Variants in CLCN4 observed in about 807,000 individuals in gnomAD.
CLCN4 encodes Cl-/H+ antiporter 4, also known as H(+)/Cl(-) exchange transporter 4.
CLCN4 carries 1 observed loss-of-function variant against 41.7 expected under a neutral mutation model. That is an observed-to-expected ratio of 0.02 (90% CI 0.01 to 0.11). The LOEUF is 0.11. Among genes scored for constraint, CLCN4 ranks in the 10% least tolerant of loss-of-function variants. The pLI, the probability that CLCN4 is intolerant of heterozygous loss-of-function variation, is 1.00. For synonymous variants in CLCN4, 277 were observed against 285.8 expected (o/e 0.97, Z 0.31); for missense variants, 287 against 661.0 (o/e 0.43, Z 6.20).
intron 4 of CLCN4, among the ~76,000 whole-genome samples, chrX:10,190,293 G>T (rs1923925590): frequency 8.9e-6 from 1 of 111,854 alleles, no homozygotes; most frequent in South Asian, 3.7e-4. Context: ...TGTGGTTTTT[G>T]CCATTAAAAT....
At chrX:10,231,323 G>A (rs904858028) in intron 12 of CLCN4, among the ~76,000 whole-genome samples, 5 of 111,453 alleles carry the variant, frequency 4.5e-5, no homozygotes, top group African/African-American at 1.3e-4. Context: ...CTTCTAAGAC[G>A]TTTTCTTTAC....
chrX:10,220,519 A>G, intron 11 of CLCN4, 142 bp from the exon 12 acceptor site: 1 of 495,868 alleles, frequency 2.0e-6, no homozygotes, highest in Non-Finnish European at 3.6e-6. Flanking sequence ...ATGTTTGGCT[A>G]AAGCCCCTTA....
intron 12 of CLCN4, among the ~76,000 whole-genome samples, chrX:10,229,984 C>A (rs963065275): frequency 4.4e-5 from 5 of 112,558 alleles, no homozygotes; most frequent in African/African-American, 1.3e-4. Flanking sequence ...CCCCCTCAAG[C>A]ATTTACCCTT....
chrX:10,172,872 ACAGCGG>A (rs1923419365), intron 2 of CLCN4, among the ~76,000 whole-genome samples: 1 of 111,929 alleles, frequency 8.9e-6, no homozygotes, highest in African/African-American at 3.3e-5. Flanking sequence ...AATTAAGAGA[ACAGCGG>A]TCTGTTGTAT....
At chrX:10,198,548 T>C (rs1293522180) in intron 6 of CLCN4, among the ~76,000 whole-genome samples, 1 of 112,574 alleles carries the variant, frequency 8.9e-6, no homozygotes, top group Non-Finnish European at 1.9e-5. Context: ...GTTTTGCTCT[T>C]CTGGTGGCAA....
intron 8 of CLCN4, 56 bp downstream of exon 8, chrX:10,206,832 G>A: frequency 1.2e-6 from 1 of 854,891 alleles, no homozygotes; most frequent in Non-Finnish European, 1.7e-6. Flanking sequence ...CCCGTTGAGG[G>A]TTAGAATCAA....
chrX:10,211,210 G>C (rs1184584467), intron 9 of CLCN4, among the ~76,000 whole-genome samples: 2 of 94,224 alleles, frequency 2.1e-5, no homozygotes, highest in Admixed American at 2.7e-4. Context: ...AGGCTGCAGT[G>C]AGCTGAGATC....
intron 11 of CLCN4, among the ~76,000 whole-genome samples, chrX:10,219,643 A>G (rs968318867): frequency 8.9e-5 from 10 of 112,266 alleles, no homozygotes; most frequent in South Asian, 3.7e-4. Flanking sequence ...ATTGCACTAA[A>G]TGGCCTTAGA....
intron 2 of CLCN4, among the ~76,000 whole-genome samples, chrX:10,184,742 ATTGT>A (rs904169986): frequency 2.7e-5 from 3 of 111,746 alleles, no homozygotes; most frequent in Non-Finnish European, 3.8e-5. Flanking sequence ...GTACATCTTG[ATTGT>A]TTGATGAAAA....
At chrX:10,190,979 C>A (rs1923944660) in intron 4 of CLCN4, among the ~76,000 whole-genome samples, 1 of 112,073 alleles carries the variant, frequency 8.9e-6, no homozygotes, top group South Asian at 3.6e-4. Context: ...GCCTCACCTC[C>A]CTCACCTGCT....
intron 3 of CLCN4, 71 bp from the exon 4 acceptor site, chrX:10,187,444 A>C: frequency 1.3e-6 from 1 of 779,362 alleles, no homozygotes; most frequent in Non-Finnish European, 2.0e-6. Context: ...TTCCCGAGGA[A>C]ACAGTTTCAA....
At chrX:10,164,899 G>A (rs762179963) in intron 2 of CLCN4, among the ~76,000 whole-genome samples, 4 of 112,487 alleles carry the variant, frequency 3.6e-5, no homozygotes, top group South Asian at 7.4e-4. Context: ...TCAGGCTGCC[G>A]GTGGCTCCGG....
intron 2 of CLCN4, among the ~76,000 whole-genome samples, chrX:10,162,834 G>A (rs1056436182): frequency 8.9e-6 from 1 of 112,566 alleles, no homozygotes; most frequent in Non-Finnish European, 1.9e-5. Context: ...ACACTTTGAA[G>A]ATCAGGCTTC....
chrX:10,190,076 T>G (rs1923918187), intron 4 of CLCN4, among the ~76,000 whole-genome samples: 2 of 108,962 alleles, frequency 1.8e-5, no homozygotes, highest in African/African-American at 6.7e-5. Flanking sequence ...GAGGGAGGGG[T>G]GGGGACAGGA....
chrX:10,190,279 T>C (rs771378575), intron 4 of CLCN4, among the ~76,000 whole-genome samples: 1 of 112,087 alleles, frequency 8.9e-6, no homozygotes, highest in African/African-American at 3.2e-5. Flanking sequence ...GGTGCGAAGG[T>C]AATTGTGGTT....
intron 2 of CLCN4, among the ~76,000 whole-genome samples, chrX:10,164,787 G>A (rs1223833943): frequency 4.5e-5 from 5 of 112,028 alleles, no homozygotes; most frequent in Admixed American, 3.7e-4. Context: ...GATGGGCGGT[G>A]GCCTCCCAGG....
chrX:10,171,762 G>A (rs1483873587), intron 2 of CLCN4, among the ~76,000 whole-genome samples: 4 of 111,878 alleles, frequency 3.6e-5, no homozygotes, highest in Non-Finnish European at 7.5e-5. Context: ...AAGCAGGCAC[G>A]TGCTTCCAAG....
At chrX:10,228,417 G>A (rs1427870618) in intron 12 of CLCN4, among the ~76,000 whole-genome samples, 1 of 110,556 alleles carries the variant, frequency 9.0e-6, no homozygotes, top group Non-Finnish European at 1.9e-5. Flanking sequence ...CCTGCCAGCC[G>A]ACCCTGACCC....
chrX:10,191,580 A>G (rs1006851509), intron 4 of CLCN4, among the ~76,000 whole-genome samples: 1 of 111,268 alleles, frequency 9.0e-6, no homozygotes, highest in African/African-American at 3.3e-5. Context: ...TTTTTGAGAC[A>G]GGGTCTGGTT....
Sources: allele counts gnomAD v4.1 joint callset (sites outside exome capture counted in the v4.1 genomes callset), GRCh38; gene constraint gnomAD v4.1.1; transcripts MANE v1.5; gene names NCBI Gene and HGNC (gene_info 2026-07-23, HGNC 2026-07-21).